The following CCDC81 variants were observed in gnomAD, a reference collection of about 807,000 sequenced individuals.
The protein encoded by CCDC81 is coiled-coil domain-containing protein 81.
In CCDC81, 79 loss-of-function variants were observed where a neutral mutation model predicts 83.7. That is an observed-to-expected ratio of 0.94 (90% CI 0.79 to 1.14). CCDC81 has a LOEUF of 1.14. Ranked by LOEUF, CCDC81 falls within the 50% of genes most tolerant of loss-of-function variation. The probability of loss-of-function intolerance (pLI) is 0.00; values close to 1 mark genes in which losing one functional copy is unlikely to be tolerated. For missense variants in CCDC81, 791 were observed against 778.1 expected (o/e 1.02, Z -0.20); for synonymous variants, 252 against 278.1 (o/e 0.91, Z 0.93).
intron 12 of CCDC81, 107 bp downstream of exon 12, chr11:86,414,974 GT>G (rs200442159): frequency 0.019 from 26,937 of 1,421,110 alleles, 334 homozygotes; most frequent in South Asian, 0.023. Flanking sequence ...GCATTTGGTA[GT>G]TTTTGTGCCC....
At position 86,375,209 on chromosome 11, in the gene CCDC81, G is replaced by A; in HGVS notation, c.46G>A (p.Val16Met). Residue 16 changes from valine to methionine, a missense_variant, in exon 1 of 15, where the codon GTG (valine) becomes ATG (methionine). Physicochemically the swap from Val to Met is conservative, Grantham distance 21. Transcript: ENST00000445632. The stretch of plus-strand genomic sequence containing the variant: ...TGCCCTGCAGGACCTGGGCAGGCAG[G>A]TGCTGCCCACTCTGCCCTCGCTGAG... ...ARALQDLGRQ[V>M]LPTLPSLSQE... 1 of 1,612,708 alleles carries A rather than the reference G, an allele frequency of 6.2e-7. No homozygotes were observed. The highest frequency in any genetic ancestry group is 8.5e-7 in the Non-Finnish European group (1 of 1,179,844).
At chr11:86,416,359 T>C (rs1948719844) in intron 13 of CCDC81, among the ~76,000 whole-genome samples, 1 of 152,228 alleles carries the variant, frequency 6.6e-6, no homozygotes, top group Non-Finnish European at 1.5e-5. Flanking sequence ...ACTTGTCCCA[T>C]AGTGGGAAGC....
At chr11:86,416,200 A>G (rs1454393159) in intron 13 of CCDC81, among the ~76,000 whole-genome samples, 1 of 152,178 alleles carries the variant, frequency 6.6e-6, no homozygotes. Flanking sequence ...TATATTCTGT[A>G]TATAAGTCCT....
intron 8 of CCDC81, 115 bp downstream of exon 8, chr11:86,407,816 A>G: frequency 1.3e-6 from 1 of 780,990 alleles, no homozygotes; most frequent in Non-Finnish European, 2.1e-6. Context: ...TCAAGTACTC[A>G]AGTACTCAGG....
At position 86,382,302 on chromosome 11, in the gene CCDC81, T is replaced by G. The variant is rs1948187194; in HGVS notation, c.80-3749T>G. 2.0e-5 allele frequency among the ~76,000 whole-genome samples: 3 copies of G among 152,134 alleles called. 1 individual carries two copies. The South Asian group carries it at 6.2e-4, about 31-fold the overall frequency. On this transcript the variant is annotated intron_variant, in intron 1 of 14. Transcript: ENST00000445632. ...GGTGAGAACAAATGGTAGCTTGGTC[T>G]AAAACTGGTAATAGTAGAAATGCAG...
rs768432522 is a variant in CCDC81, at chr11:86,399,968, C to CAA, written c.758-699_758-698dup. Among the ~76,000 whole-genome samples the CAA allele has an allele frequency of 3.2e-3, 459 of 143,734 alleles. 2 individuals carry two copies. Among genetic ancestry groups the CAA allele is most frequent in the African/African-American group, 9.7e-3 (376 of 38,902 alleles). The allele number at this position is 143,734 out of a possible 152,430, so 94.3% of individuals were successfully genotyped here. The stretch of plus-strand genomic sequence containing the variant: ...CGAAACCCCATCTCTACTACTACTA[C>CAA]AAAAAAAAAAAAGTTAGCTGGGAGT... On this transcript the variant is annotated intron_variant, in intron 6 of 14. Coordinates refer to ENST00000445632, the MANE Select transcript of CCDC81 (RefSeq NM_001156474.2).
At chr11:86,389,748 T>G (rs1434382386) in intron 3 of CCDC81, among the ~76,000 whole-genome samples, 1 of 152,132 alleles carries the variant, frequency 6.6e-6, no homozygotes, top group Admixed American at 6.5e-5. Flanking sequence ...TAATCAAACA[T>G]TTTATAGTGG....
intron 10 of CCDC81, among the ~76,000 whole-genome samples, chr11:86,410,469 A>T (rs1948627011): frequency 6.6e-6 from 1 of 152,202 alleles, no homozygotes. Flanking sequence ...AGATTCATTA[A>T]CCTAGACCAG....
In CCDC81 at chr11:86,412,426, C is replaced by T. The variant is rs754920291; in HGVS notation, c.1258C>T (p.Leu420Phe). Residue 420 changes from leucine (L) to phenylalanine (F), a missense_variant, in exon 11 of 15, where the codon CTT becomes TTT. Leu to Phe is a conservative substitution (Grantham distance 22). Coordinates refer to ENST00000445632, the MANE Select transcript of CCDC81 (RefSeq NM_001156474.2). Reference sequence around the variant, plus strand: ...TGACAAACGGCCACTCAGTCCTGCGCTTAATGCTCTTAAGCAAGAGGAATA... The same window carrying T: ...TGACAAACGGCCACTCAGTCCTGCGTTTAATGCTCTTAAGCAAGAGGAATA... Reference protein sequence around the residue: ...LFDKRPLSPALNALKQEEYSR... With the variant: ...LFDKRPLSPAFNALKQEEYSR... 18 of 1,612,992 alleles carry T rather than the reference C, an allele frequency of 1.1e-5. No individual in the cohort carries two copies. Among genetic ancestry groups the T allele is most frequent in the Non-Finnish European group, 1.5e-5 (18 of 1,179,558 alleles).
intron 13 of CCDC81, among the ~76,000 whole-genome samples, chr11:86,417,568 C>G (rs1948738139): frequency 1.3e-5 from 2 of 151,856 alleles, no homozygotes; most frequent in South Asian, 4.2e-4. Flanking sequence ...AGCATATTAT[C>G]TATAATATAG....
chr11:86,409,098 T>C (rs927519135), intron 9 of CCDC81, among the ~76,000 whole-genome samples, 163 bp from the exon 10 acceptor site: 3 of 152,170 alleles, frequency 2.0e-5, no homozygotes, highest in Non-Finnish European at 4.4e-5. Flanking sequence ...CCAATCTACT[T>C]TTATAAATCT....
chr11:86,408,409 T>G, intron 9 of CCDC81, 139 bp downstream of exon 9: 1 of 745,614 alleles, frequency 1.3e-6, no homozygotes, highest in Non-Finnish European at 2.0e-6. Flanking sequence ...CTCTGCTCAC[T>G]GCAGCCTTGA....
At chr11:86,384,130 TAG>T (rs1565757821) in intron 1 of CCDC81, among the ~76,000 whole-genome samples, 1 of 152,246 alleles carries the variant, frequency 6.6e-6, no homozygotes, top group Non-Finnish European at 1.5e-5. Flanking sequence ...GAAAGACTGT[TAG>T]AGTCATAAAT....
intron 13 of CCDC81, among the ~76,000 whole-genome samples, 191 bp downstream of exon 13, chr11:86,415,504 T>G (rs373935076): frequency 1.3e-5 from 2 of 152,360 alleles, no homozygotes; most frequent in Non-Finnish European, 1.5e-5. Flanking sequence ...CTTCATCTTG[T>G]TTTATCTTAA....
At chr11:86,377,965 G>GTTTTTTTTTTTTT (rs368831070) in intron 1 of CCDC81, among the ~76,000 whole-genome samples, 2 of 14,860 alleles carry the variant, frequency 1.3e-4, no homozygotes, top group East Asian at 2.8e-3. Flanking sequence ...CTGTGCCTAG[G>GTTTTTTTTTTTTT]TTCTTTTTTT....
At chr11:86,422,516 G>A (rs1423289056) in intron 14 of CCDC81, 58 bp from the exon 15 acceptor site, 2 of 1,557,102 alleles carry the variant, frequency 1.3e-6, no homozygotes, top group African/African-American at 2.7e-5. Flanking sequence ...CAGCTTCCAA[G>A]TTGGGCCTCC....
At chr11:86,380,136 G>A (rs906853021) in intron 1 of CCDC81, among the ~76,000 whole-genome samples, 13 of 150,034 alleles carry the variant, frequency 8.7e-5, no homozygotes, top group Non-Finnish European at 1.6e-4. Flanking sequence ...TGAAAAGCAG[G>A]TTTACTGGCA....
chr11:86,396,054 C>A (rs1386865103), intron 5 of CCDC81, among the ~76,000 whole-genome samples: 1 of 152,208 alleles, frequency 6.6e-6, no homozygotes, highest in Non-Finnish European at 1.5e-5. Flanking sequence ...ACCACTTCTT[C>A]TGCCCTAGCT....
intron 6 of CCDC81, among the ~76,000 whole-genome samples, chr11:86,399,460 T>C (rs1161267753): frequency 6.6e-6 from 1 of 152,088 alleles, no homozygotes; most frequent in African/African-American, 2.4e-5. Context: ...GGACCACAGG[T>C]GTGCGCCACC....
Sources: allele counts gnomAD v4.1 joint callset (sites outside exome capture counted in the v4.1 genomes callset), GRCh38; gene constraint gnomAD v4.1.1; transcripts MANE v1.5; gene names NCBI Gene and HGNC (gene_info 2026-07-23, HGNC 2026-07-21).